AGBL4: variants seen among roughly 807,000 people sequenced by gnomAD.
AGBL4 encodes the protein cytosolic carboxypeptidase 6.
In AGBL4, 58 loss-of-function variants were observed where a neutral mutation model predicts 66.4. That is an observed-to-expected ratio of 0.87 (90% CI 0.71 to 1.09). AGBL4 has a LOEUF of 1.09. Among genes scored for constraint, AGBL4 ranks in the 50% least tolerant of loss-of-function variants. The pLI is 0.00. For missense variants in AGBL4, 579 were observed against 631.0 expected (o/e 0.92, Z 0.88); for synonymous variants, 234 against 222.9 (o/e 1.05, Z -0.44).
At chr1:49,566,909 G>A (rs1644220228) in intron 3 of AGBL4, among the ~76,000 whole-genome samples, 1 of 152,214 alleles carries the variant, frequency 6.6e-6, no homozygotes, top group Non-Finnish European at 1.5e-5. Flanking sequence ...AGCCTACAGA[G>A]GCAGGCAGGC....
At chr1:49,528,044 T>C (rs1345867496) in intron 3 of AGBL4, among the ~76,000 whole-genome samples, 6 of 152,106 alleles carry the variant, frequency 3.9e-5, no homozygotes, top group Non-Finnish European at 8.8e-5. Context: ...AGCAAGTCTC[T>C]GGGTACGTAG....
chr1:49,368,237 G>A (rs1181851347), intron 3 of AGBL4, among the ~76,000 whole-genome samples: 1 of 151,996 alleles, frequency 6.6e-6, no homozygotes, highest in Non-Finnish European at 1.5e-5. Context: ...ACAAGATTTT[G>A]TTTGAAAACC....
chr1:48,707,247 T>C (rs1440667494), intron 6 of AGBL4, among the ~76,000 whole-genome samples: 1 of 152,094 alleles, frequency 6.6e-6, no homozygotes, highest in African/African-American at 2.4e-5. Flanking sequence ...TGAGCTAAGA[T>C]CATGCCACTG....
intron 3 of AGBL4, among the ~76,000 whole-genome samples, chr1:49,540,536 T>C (rs1651928923): frequency 2.6e-5 from 4 of 152,294 alleles, no homozygotes; most frequent in South Asian, 2.1e-4. Context: ...ACCTAGCCTA[T>C]GGTCAAGCAT....
Position 48,736,562 on chromosome 1 carries a change from T to C in AGBL4, c.635-73321A>G, listed in dbSNP as rs1649091374. On this transcript the variant is annotated intron_variant, in intron 6 of 13. Coordinates refer to ENST00000371839, the MANE Select transcript of AGBL4 (RefSeq NM_032785.4). The surrounding 1 kb of genome is among the most constrained non-coding windows in gnomAD (Gnocchi z 4.0). ...GCACAACTGTAAGAGATTCATGTCA[T>C]AAATATGAAATTAACTCTCTTTAAG... 1.1e-6 allele frequency: 1 copy of C among 940,302 alleles called. No individual in the cohort carries two copies. Among genetic ancestry groups the C allele is most frequent in the South Asian group, 1.5e-5 (1 of 64,580 alleles). 58.2% of individuals were successfully genotyped at this position (940,302 alleles called of 1,614,324 possible). A position where few individuals can be genotyped will look rare whatever the true frequency, so the allele number is the denominator to read the frequency against.
At chr1:49,627,928 T>C (rs922992305) in intron 3 of AGBL4, among the ~76,000 whole-genome samples, 2 of 152,182 alleles carry the variant, frequency 1.3e-5, no homozygotes, top group Non-Finnish European at 2.9e-5. Flanking sequence ...AGGCAGTTAC[T>C]TATGACCTCT....
intron 1 of AGBL4, among the ~76,000 whole-genome samples, chr1:49,882,354 T>C (rs1647467509): frequency 6.6e-6 from 1 of 151,154 alleles, no homozygotes; most frequent in Admixed American, 6.6e-5. Flanking sequence ...TGGCTTAGGA[T>C]TGACTTGGCG....
intron 3 of AGBL4, among the ~76,000 whole-genome samples, chr1:49,656,199 G>C (rs1208108341): frequency 6.0e-5 from 9 of 150,924 alleles, no homozygotes; most frequent in African/African-American, 1.2e-4. Flanking sequence ...ACAGAAATAT[G>C]AACTACCATC....
intron 3 of AGBL4, among the ~76,000 whole-genome samples, chr1:49,688,378 G>T (rs888811944): frequency 6.6e-6 from 1 of 152,174 alleles, no homozygotes; most frequent in Non-Finnish European, 1.5e-5. Flanking sequence ...ATGGCCTCCA[G>T]TTCCATCCAT....
intron 3 of AGBL4, among the ~76,000 whole-genome samples, chr1:49,636,256 T>A (rs1645669985): frequency 6.6e-6 from 1 of 152,204 alleles, no homozygotes; most frequent in South Asian, 2.1e-4. Flanking sequence ...TGCCAGCAGA[T>A]CTGGCATTTG....
intron 3 of AGBL4, among the ~76,000 whole-genome samples, chr1:49,449,108 AT>A (rs2148679396): frequency 6.6e-6 from 1 of 152,184 alleles, no homozygotes; most frequent in Non-Finnish European, 1.5e-5. Context: ...TATAAATACT[AT>A]AAACCTGATG....
At chr1:49,061,779 T>G (rs10888647) in intron 4 of AGBL4, among the ~76,000 whole-genome samples, 102,862 of 151,978 alleles carry the variant, frequency 0.68, 35,344 homozygotes, top group African/African-American at 0.75. Flanking sequence ...GGGATAGAAG[T>G]AGCCTTCATC....
chr1:48,736,742 G>A lies in AGBL4; in HGVS notation c.635-73501C>T, dbSNP rs1288005721. Among the ~76,000 whole-genome samples the A allele has an allele frequency of 6.6e-6, 1 of 152,154 alleles. No homozygotes were observed. On this transcript the variant is annotated intron_variant, in intron 6 of 13. Coordinates refer to ENST00000371839, the MANE Select transcript of AGBL4 (RefSeq NM_032785.4). The surrounding 1 kb of genome is among the most constrained non-coding windows in gnomAD (Gnocchi z 4.0). ...CAGATGGAAACACCGGTTCAGACAG[G>A]TGAGGTGACTTGCTGAACATCATTC...
chr1:49,257,913 C>T (rs527943818), intron 3 of AGBL4, among the ~76,000 whole-genome samples: 1 of 152,166 alleles, frequency 6.6e-6, no homozygotes, highest in Non-Finnish European at 1.5e-5. Flanking sequence ...AGGCACCCCC[C>T]AGTAGGGGCA....
At chr1:49,261,408 C>A (rs1653151209) in intron 3 of AGBL4, among the ~76,000 whole-genome samples, 1 of 152,134 alleles carries the variant, frequency 6.6e-6, no homozygotes, top group Non-Finnish European at 1.5e-5. Flanking sequence ...ATCTAGAAGA[C>A]CCCATTGGCT....
At chr1:49,501,640 TTA>T (rs1276577546) in intron 3 of AGBL4, among the ~76,000 whole-genome samples, 2 of 152,082 alleles carry the variant, frequency 1.3e-5, no homozygotes, top group Admixed American at 6.5e-5. Context: ...TGTGTTTCAC[TTA>T]TTTATATTTT....
chr1:48,984,747 G>T (rs1660048416), intron 5 of AGBL4, among the ~76,000 whole-genome samples: 1 of 151,772 alleles, frequency 6.6e-6, no homozygotes, highest in Non-Finnish European at 1.5e-5. Flanking sequence ...CTTATAATCT[G>T]ACCTACGGTG....
chr1:49,326,980 C>A (rs115231263), intron 3 of AGBL4, among the ~76,000 whole-genome samples: 1,684 of 152,214 alleles, frequency 0.011, 27 homozygotes, highest in African/African-American at 0.039. Context: ...AGTCTACCTG[C>A]GTTTCTGGCT....
chr1:49,791,809 T>C (rs1644605780), intron 2 of AGBL4, among the ~76,000 whole-genome samples: 1 of 152,130 alleles, frequency 6.6e-6, no homozygotes, highest in Admixed American at 6.6e-5. Context: ...CCCTCTTTCA[T>C]AACATTTCTC....
Sources: allele counts gnomAD v4.1 joint callset (sites outside exome capture counted in the v4.1 genomes callset), GRCh38; gene constraint gnomAD v4.1.1; non-coding constraint Gnocchi (gnomAD v3.1); transcripts MANE v1.5; gene names NCBI Gene and HGNC (gene_info 2026-07-23, HGNC 2026-07-21).